The following MCTP1 variants were observed in gnomAD, a reference collection of about 807,000 sequenced individuals.
MCTP1 encodes multiple C2 and transmembrane domain containing 1, also known as multiple C2 and transmembrane domain-containing protein 1.
In MCTP1, 69 loss-of-function variants were observed where a neutral mutation model predicts 120.6. That is an observed-to-expected ratio of 0.57 (90% CI 0.47 to 0.70). MCTP1 has a LOEUF of 0.70. Among genes scored for constraint, MCTP1 ranks in the 30% least tolerant of loss-of-function variants. MCTP1 has a pLI of 0.00. For synonymous variants in MCTP1, 529 were observed against 493.1 expected (o/e 1.07, Z -0.96); for missense variants, 1,203 against 1,248.8 (o/e 0.96, Z 0.55).
rs188389757 is a variant in MCTP1, at chr5:94,852,909, T to C, written c.2436+15424A>G. Among the ~76,000 whole-genome samples the C allele has an allele frequency of 2.7e-3, 414 of 152,082 alleles. 3 individuals carry two copies. Among genetic ancestry groups the C allele is most frequent in the African/African-American group, 9.4e-3 (392 of 41,534 alleles). ...TAAACCACACTAAAATAATTTTCTT[T>C]ATAAAAGCTTCGTGATCTTTGGCAT... On this transcript the variant is annotated intron_variant, in intron 17 of 22. Transcript: ENST00000515393.
At chr5:94,734,746 G>T (rs564399391) in intron 19 of MCTP1, among the ~76,000 whole-genome samples, 17 of 152,242 alleles carry the variant, frequency 1.1e-4, no homozygotes, top group African/African-American at 3.9e-4. Context: ...TGTGAGTGAG[G>T]CATCATGCCT....
At chr5:94,860,956 C>A (rs1795671651) in intron 17 of MCTP1, among the ~76,000 whole-genome samples, 1 of 151,662 alleles carries the variant, frequency 6.6e-6, no homozygotes, top group African/African-American at 2.4e-5. Flanking sequence ...TATTCCTGTC[C>A]TTAAAATGAG....
intron 6 of MCTP1, among the ~76,000 whole-genome samples, chr5:94,930,338 A>G (rs1306743640): frequency 7.7e-6 from 1 of 129,282 alleles, no homozygotes; most frequent in Non-Finnish European, 1.5e-5. Flanking sequence ...AAATGGCATG[A>G]TCTCTGCTCA....
intron 1 of MCTP1, among the ~76,000 whole-genome samples, chr5:95,219,669 C>T (rs1264123120): frequency 1.3e-5 from 2 of 152,152 alleles, no homozygotes; most frequent in Non-Finnish European, 2.9e-5. Context: ...CCTGAGACAA[C>T]AGTCAGTCAA....
At chr5:94,947,618 A>AGAGAGAGAGG (rs1271717768) in intron 3 of MCTP1, among the ~76,000 whole-genome samples, 1 of 131,552 alleles carries the variant, frequency 7.6e-6, no homozygotes, top group Non-Finnish European at 1.6e-5. Flanking sequence ...AGAGAGAGAG[A>AGAGAGAGAGG]GAGAAAGAGA....
At chr5:94,709,885 G>A (rs1472732735) in intron 21 of MCTP1, 3 of 151,962 alleles carry the variant, frequency 2.0e-5, no homozygotes, top group African/African-American at 7.3e-5. Flanking sequence ...AAAAGCGGAG[G>A]GCTTGGAGTC....
intron 1 of MCTP1, among the ~76,000 whole-genome samples, chr5:95,072,383 C>T (rs898964325): frequency 3.3e-5 from 5 of 152,314 alleles, no homozygotes; most frequent in Non-Finnish European, 7.4e-5. Context: ...CAATAAATCA[C>T]TCTACTTGTA....
At chr5:95,107,881 G>C (rs2152383431) in intron 1 of MCTP1, among the ~76,000 whole-genome samples, 1 of 152,268 alleles carries the variant, frequency 6.6e-6, no homozygotes, top group East Asian at 1.9e-4. Flanking sequence ...CAGGATACAT[G>C]TCCAGGATGT....
chr5:95,062,525 A>G (rs531790533), intron 1 of MCTP1, among the ~76,000 whole-genome samples: 5 of 152,324 alleles, frequency 3.3e-5, no homozygotes, highest in African/African-American at 1.2e-4. Context: ...TGTGAAAATC[A>G]GACAGGCAGC....
intron 1 of MCTP1, among the ~76,000 whole-genome samples, chr5:95,195,503 G>A (rs1750283776): frequency 1.3e-5 from 2 of 152,114 alleles, no homozygotes; most frequent in Non-Finnish European, 1.5e-5. Flanking sequence ...ATTGCCATTG[G>A]CAGCCCGTAT....
chr5:95,243,366 G>A (rs1441735372), intron 1 of MCTP1, among the ~76,000 whole-genome samples: 1 of 152,206 alleles, frequency 6.6e-6, no homozygotes, highest in Admixed American at 6.5e-5. Context: ...GAGACTTAAA[G>A]AGGAGAAAGA....
chr5:94,873,051 T>C (rs1258458698), intron 13 of MCTP1, 88 bp downstream of exon 13: 1 of 787,104 alleles, frequency 1.3e-6, no homozygotes, highest in South Asian at 1.5e-5. Context: ...CAGTTAAGAA[T>C]AAACACACAC....
chr5:95,192,940 T>C (rs1299543146), intron 1 of MCTP1, among the ~76,000 whole-genome samples: 2 of 152,250 alleles, frequency 1.3e-5, no homozygotes, highest in East Asian at 3.9e-4. Flanking sequence ...CTAAGCAGGA[T>C]GCCAGGTATG....
intron 1 of MCTP1, among the ~76,000 whole-genome samples, chr5:95,072,761 T>TTTTTTG: frequency 6.8e-6 from 1 of 148,002 alleles, no homozygotes; most frequent in African/African-American, 2.5e-5. Context: ...TTTTTTTTTT[T>TTTTTTG]TTGAGATGGA....
At chr5:94,711,712 CAGAAGT>C (rs1199340987) in intron 20 of MCTP1, among the ~76,000 whole-genome samples, 1 of 140,756 alleles carries the variant, frequency 7.1e-6, no homozygotes, top group Non-Finnish European at 1.5e-5. Flanking sequence ...GACCAATGAA[CAGAAGT>C]AGAAGTTACA....
chr5:94,757,010 G>T (rs765044327), intron 19 of MCTP1, among the ~76,000 whole-genome samples: 1 of 152,034 alleles, frequency 6.6e-6, no homozygotes, highest in Non-Finnish European at 1.5e-5. Flanking sequence ...TATAGAACTC[G>T]CTTCTAATTT....
At chr5:95,164,351 T>C (rs1302727943) in intron 1 of MCTP1, among the ~76,000 whole-genome samples, 1 of 152,124 alleles carries the variant, frequency 6.6e-6, no homozygotes, top group Non-Finnish European at 1.5e-5. Context: ...CTTTAGAATG[T>C]CTGCAACAAT....
chr5:94,953,054 C>T (rs17084335), intron 3 of MCTP1, among the ~76,000 whole-genome samples, 165 bp downstream of exon 3: 19,846 of 152,212 alleles, frequency 0.13, 1,381 homozygotes, highest in East Asian at 0.25. Context: ...GCTAGCTCCT[C>T]CTTCCCTCTA....
intron 1 of MCTP1, among the ~76,000 whole-genome samples, chr5:95,044,552 C>A (rs1276255333): frequency 1.3e-5 from 2 of 152,080 alleles, no homozygotes; most frequent in East Asian, 1.9e-4. Flanking sequence ...GCTTACTTGA[C>A]CTTTCTACTT....
Sources: gnomAD v4.1 joint callset for allele counts (sites outside exome capture counted in the v4.1 genomes callset) on GRCh38, gnomAD v4.1.1 for gene constraint, MANE v1.5 for transcripts, NCBI Gene and HGNC (gene_info 2026-07-23, HGNC 2026-07-21) for gene names.